Variants in DLGAP2 observed in about 807,000 individuals in gnomAD.
DLGAP2 encodes DLG associated protein 2.
Under a neutral mutation model 100.3 loss-of-function variants are expected in DLGAP2, and 26 were observed. The observed-to-expected ratio is 0.26, with a 90% CI of 0.19 to 0.36. DLGAP2 has a LOEUF of 0.36. Ranked by LOEUF, DLGAP2 falls within the 10% of genes least tolerant of loss-of-function variation. The pLI, the probability that DLGAP2 is intolerant of heterozygous loss-of-function variation, is 1.00. For synonymous variants in DLGAP2, 886 were observed against 630.1 expected, an observed-to-expected ratio of 1.41 and a Z score of -6.08; for missense variants, 1,858 against 1,453.2, an observed-to-expected ratio of 1.28 and a Z score of -4.53.
At chr8:1,066,973 C>A (rs1585028986) in intron 2 of DLGAP2, among the ~76,000 whole-genome samples, 1 of 152,288 alleles carries the variant, frequency 6.6e-6, no homozygotes, top group East Asian at 1.9e-4. Context: ...CTGCCGCATC[C>A]CCAGCCCAAG....
chr8:1,463,133 C>T (rs949234726), intron 3 of DLGAP2, among the ~76,000 whole-genome samples: 1 of 152,126 alleles, frequency 6.6e-6, no homozygotes. Context: ...CCCGTAATCC[C>T]CGCTACTCGG....
chr8:1,060,586 C>T (rs144754123), intron 2 of DLGAP2, among the ~76,000 whole-genome samples: 3 of 152,306 alleles, frequency 2.0e-5, no homozygotes, highest in Non-Finnish European at 2.9e-5. Context: ...GATGACCTCA[C>T]CTCAAGGTCC....
intron 3 of DLGAP2, among the ~76,000 whole-genome samples, chr8:1,371,556 C>G (rs184752845): frequency 2.6e-5 from 4 of 152,314 alleles, no homozygotes; most frequent in Non-Finnish European, 4.4e-5. Flanking sequence ...CTGCAGAACT[C>G]TATTATCCTC....
chr8:1,313,284 A>G (rs900088843), intron 3 of DLGAP2, among the ~76,000 whole-genome samples: 1 of 152,210 alleles, frequency 6.6e-6, no homozygotes, highest in African/African-American at 2.4e-5. Context: ...GCGTTGCATT[A>G]TATATATTCA....
At chr8:1,559,446 G>A (rs955641960) in intron 5 of DLGAP2, among the ~76,000 whole-genome samples, 1 of 152,176 alleles carries the variant, frequency 6.6e-6, no homozygotes, top group Admixed American at 6.5e-5. Flanking sequence ...CCAGACATAT[G>A]CTTTGGAATG....
At chr8:882,457 G>A (rs1377358800) in intron 1 of DLGAP2, among the ~76,000 whole-genome samples, 24 of 138,814 alleles carry the variant, frequency 1.7e-4, no homozygotes, top group African/African-American at 6.5e-4. Context: ...TCCCTGCGGA[G>A]GCCTCTCCTG....
chr8:1,425,918 A>T (rs553352904), intron 3 of DLGAP2, among the ~76,000 whole-genome samples: 1 of 152,304 alleles, frequency 6.6e-6, no homozygotes, highest in East Asian at 1.9e-4. Context: ...GACTGGGGAA[A>T]AGCAAAATAG....
intron 3 of DLGAP2, among the ~76,000 whole-genome samples, chr8:1,294,280 G>T (rs535380132): frequency 3.3e-5 from 5 of 152,114 alleles, no homozygotes; most frequent in Non-Finnish European, 7.4e-5. Context: ...TACTTGGGCT[G>T]GTAAACATTG....
At chr8:1,121,156 A>G (rs1796035873) in intron 2 of DLGAP2, among the ~76,000 whole-genome samples, 1 of 146,574 alleles carries the variant, frequency 6.8e-6, no homozygotes, top group Non-Finnish European at 1.5e-5. Context: ...ATGACCACCC[A>G]TCCTCATCCA....
intron 3 of DLGAP2, among the ~76,000 whole-genome samples, chr8:1,356,874 A>C (rs1329422426): frequency 6.6e-6 from 1 of 152,184 alleles, no homozygotes; most frequent in Admixed American, 6.5e-5. Flanking sequence ...ACAATGAGGA[A>C]ACACCTCGTC....
chr8:1,536,922 C>T (rs1801171558), intron 4 of DLGAP2, among the ~76,000 whole-genome samples: 1 of 152,104 alleles, frequency 6.6e-6, no homozygotes, highest in Non-Finnish European at 1.5e-5. Flanking sequence ...CATCTGCTTG[C>T]TGCGGGCCTG....
chr8:1,548,762 C>G lies in DLGAP2; in HGVS notation c.309C>G (p.Pro103=). The part of the protein sequence containing the change: ...LCSGHTCGLA[P]PEDCEHLHHG... ...CCGGGCACACGTGTGGTCTGGCGCC[C>G]CCGGAGGACTGCGAGCACCTGCACC... Residue 103 remains proline (P), a synonymous_variant, in exon 5 of 15, where the codon CCC becomes CCG. Coordinates refer to ENST00000637795, the MANE Select transcript of DLGAP2 (RefSeq NM_001346810.2). The G allele has an allele frequency of 6.2e-7, 1 of 1,600,938 alleles. No individual in the cohort carries two copies. The highest frequency in any genetic ancestry group is 8.5e-7 in the Non-Finnish European group (1 of 1,175,912).
intron 1 of DLGAP2, among the ~76,000 whole-genome samples, chr8:754,663 A>T (rs1820878731): frequency 6.6e-6 from 1 of 152,160 alleles, no homozygotes; most frequent in African/African-American, 2.4e-5. Flanking sequence ...CAGCCTGGGC[A>T]ACATAGTGAG....
intron 2 of DLGAP2, among the ~76,000 whole-genome samples, chr8:1,050,131 C>G (rs897161935): frequency 2.0e-5 from 3 of 152,262 alleles, no homozygotes; most frequent in African/African-American, 7.2e-5. Context: ...CAGTCACAGC[C>G]ACGTGTGCCT....
intron 12 of DLGAP2, among the ~76,000 whole-genome samples, chr8:1,682,016 C>T (rs561045195): frequency 1.3e-5 from 2 of 152,158 alleles, no homozygotes; most frequent in Non-Finnish European, 2.9e-5. Flanking sequence ...CACCCACGGT[C>T]CAAAGGCATC....
chr8:739,609 A>G (rs1563404775), intron 1 of DLGAP2: 2 of 152,246 alleles, frequency 1.3e-5, no homozygotes, highest in Non-Finnish European at 2.9e-5. Flanking sequence ...AAAAATGGTA[A>G]TTCTTGGCAG....
chr8:1,464,315 CAA>C (rs1798554155), intron 3 of DLGAP2, among the ~76,000 whole-genome samples: 1 of 100,850 alleles, frequency 9.9e-6, no homozygotes, highest in Admixed American at 9.7e-5. Context: ...CCTTCCAGGA[CAA>C]CGCCCTTCCA....
chr8:1,372,300 G>A (rs1483480166), intron 3 of DLGAP2, among the ~76,000 whole-genome samples: 3 of 126,344 alleles, frequency 2.4e-5, no homozygotes, highest in Non-Finnish European at 5.3e-5. Flanking sequence ...TGCTGCCAAC[G>A]CTGGGACGCT....
chr8:825,827 T>C (rs1796676175), intron 1 of DLGAP2, among the ~76,000 whole-genome samples: 1 of 152,236 alleles, frequency 6.6e-6, no homozygotes, highest in Non-Finnish European at 1.5e-5. Context: ...CAAGCACTTA[T>C]CTTTACTTTG....
Sources: allele counts gnomAD v4.1 joint callset (sites outside exome capture counted in the v4.1 genomes callset), GRCh38; gene constraint gnomAD v4.1.1; transcripts MANE v1.5; gene names NCBI Gene and HGNC (gene_info 2026-07-23, HGNC 2026-07-21).